Variants in SLC2A11 observed in about 807,000 individuals in gnomAD.
SLC2A11 encodes solute carrier family 2, facilitated glucose transporter member 11.
In SLC2A11, 43 loss-of-function variants were observed where a neutral mutation model predicts 52.1. The ratio of observed to expected loss-of-function variants is 0.82; its 90% CI spans 0.65 to 1.06. The LOEUF (loss-of-function observed/expected upper bound fraction) is 1.06. SLC2A11 is among the 50% of genes least tolerant of loss of function. The pLI, the probability that SLC2A11 is intolerant of heterozygous loss-of-function variation, is 0.00. For synonymous variants in SLC2A11, 261 were observed against 277.6 expected (o/e 0.94, Z 0.59); for missense variants, 582 against 654.2 (o/e 0.89, Z 1.20).
At chr22:23,874,336 G>C (rs1023771990) in intron 3 of SLC2A11, among the ~76,000 whole-genome samples, 37 of 152,178 alleles carry the variant, frequency 2.4e-4, no homozygotes, top group Non-Finnish European at 4.4e-4. Flanking sequence ...ACCGAGGCTG[G>C]AGTGCAGTGG....
rs2032989950 is a variant in SLC2A11 at position 23,886,177 on chromosome 22, C to T, written c.*1328C>T. On this transcript the variant is annotated 3_prime_UTR_variant, in exon 12 of 12. Transcript: ENST00000316185. ...TTGTTGCACGTATTAGGAGAGACTC[C>T]TTTGTATTGCTGAGTAGTATTCCCC... 6.6e-6 allele frequency: 1 copy of T among 152,172 alleles called. No individual in the cohort carries two copies. Among genetic ancestry groups the T allele is most frequent in the Non-Finnish European group, 1.5e-5 (1 of 68,042 alleles). 9.4% of individuals were successfully genotyped at this position (152,172 alleles called of 1,614,324 possible).
chr22:23,884,623 G>T lies in SLC2A11; in HGVS notation c.1300-26G>T. On this transcript the variant is annotated intron_variant, in intron 11 of 11. Transcript: ENST00000316185. The surrounding 1 kb of genome is among the most constrained non-coding windows in gnomAD (Gnocchi z 4.3). ...TTAGGGGTTGATGGAGACACACCAG[G>T]TCTTGGGGTCTTTTTTAATCCGCAG... 1 of 1,603,494 alleles carries T rather than the reference G, an allele frequency of 6.2e-7. No individual in the cohort carries two copies. Among genetic ancestry groups the T allele is most frequent in the Non-Finnish European group, 8.5e-7 (1 of 1,174,670 alleles).
chr22:23,864,739 C>T (rs1318564504), intron 2 of SLC2A11, among the ~76,000 whole-genome samples: 1 of 152,224 alleles, frequency 6.6e-6, no homozygotes, highest in Non-Finnish European at 1.5e-5. Flanking sequence ...TCACCAGCCC[C>T]TACGAAGGAG....
intron 4 of SLC2A11, among the ~76,000 whole-genome samples, chr22:23,875,554 G>A (rs745652884): frequency 6.6e-6 from 1 of 152,146 alleles, no homozygotes; most frequent in Non-Finnish European, 1.5e-5. Flanking sequence ...GGTAGCCAAC[G>A]TGTAAAGGGA....
chr22:23,882,279 G>C (rs1482007401), intron 6 of SLC2A11, 180 bp from the exon 7 acceptor site: 17 of 611,552 alleles, frequency 2.8e-5, no homozygotes, highest in Non-Finnish European at 3.4e-5. Context: ...GACACACACA[G>C]AGACAGAGAG....
At chr22:23,857,577 A>ACCCC (rs750630400), upstream of SLC2A11, 490 of 1,170,494 alleles carry the variant, frequency 4.2e-4, no homozygotes, top group Middle Eastern at 8.3e-4. Flanking sequence ...GTGACCCCAA[A>ACCCC]CCCCCCCCCC....
At chr22:23,868,390 A>C in intron 2 of SLC2A11, 91 bp from the exon 3 acceptor site, 1 of 1,488,792 alleles carries the variant, frequency 6.7e-7, no homozygotes, top group Non-Finnish European at 9.2e-7. Context: ...TGTTCTGCAG[A>C]GGCATGGAGC....
intron 3 of SLC2A11, chr22:23,871,296 T>A (rs1346071583): frequency 6.7e-6 from 1 of 148,984 alleles, no homozygotes; most frequent in Admixed American, 6.7e-5. Context: ...TAATCCCAGC[T>A]ACTCGGCAGG....
upstream of SLC2A11, chr22:23,857,064 G>T (rs1295441439): frequency 7.6e-6 from 8 of 1,050,652 alleles, no homozygotes; most frequent in East Asian, 2.5e-4. Context: ...GAACCAAAGT[G>T]TGTGTGTGTG....
intron 6 of SLC2A11, 152 bp from the exon 7 acceptor site, chr22:23,882,307 C>T: frequency 1.5e-6 from 1 of 667,478 alleles, no homozygotes; most frequent in Non-Finnish European, 2.5e-6. Context: ...GAGACAGAGG[C>T]AGAGAGAGAG....
At chr22:23,862,033 T>C (rs1238158525) in intron 1 of SLC2A11, 71 bp from the exon 2 acceptor site, 1 of 1,250,210 alleles carries the variant, frequency 8.0e-7, no homozygotes, top group South Asian at 1.2e-5. Context: ...AATGCTGTGA[T>C]TGGCAGCTCT....
chr22:23,866,225 A>C (rs181372156), intron 2 of SLC2A11: 3 of 152,230 alleles, frequency 2.0e-5, no homozygotes, highest in African/African-American at 7.2e-5. Flanking sequence ...TCTGAGGAGA[A>C]TCTTTGTCAA....
chr22:23,882,617 A>T lies in SLC2A11; in HGVS notation c.853A>T (p.Ser285Cys), dbSNP rs749906977. Residue 285 changes from serine (S) to cysteine (C), a missense_variant, in exon 7 of 12, where the codon AGT (serine) becomes TGT (cysteine). Ser to Cys is a moderately radical substitution (Grantham distance 112, BLOSUM62 -1). Coordinates refer to ENST00000316185, the MANE Select transcript of SLC2A11 (RefSeq NM_001024939.4). ...RQVTSLVVLG[S>C]AMELCGNDSV... ...GGTGACAAGCCTCGTGGTTCTGGGC[A>T]GTGCCATGGAGCTCTGCGGGAATGA... 11 of 1,613,148 alleles carry T rather than the reference A, an allele frequency of 6.8e-6. No homozygotes were observed. The South Asian group carries it at 1.2e-4, about 18-fold the overall frequency.
chr22:23,882,918 C>A (rs759286291), intron 8 of SLC2A11, 49 bp downstream of exon 8: 11 of 1,505,128 alleles, frequency 7.3e-6, no homozygotes, highest in Non-Finnish European at 1.0e-5. Context: ...GGGAGGGACC[C>A]CCAGGTCCTC....
chr22:23,869,487 CAAA>C (rs113496535), intron 3 of SLC2A11: 3 of 144,636 alleles, frequency 2.1e-5, no homozygotes, highest in Non-Finnish European at 3.0e-5. Flanking sequence ...GACTCCATCT[CAAA>C]AAAAAAAAAA....
At position 23,875,120 on chromosome 22, in the gene SLC2A11, G is replaced by A; in HGVS notation, c.294G>A (p.Lys98=). The A allele has an allele frequency of 6.3e-7, 1 of 1,579,114 alleles. No homozygotes were observed. ...TGTGTGTTTCACTTCCCCCAAGGAA[G>A]AAGTCCCTCCTGGTGAATAACATCT... The part of the protein sequence containing the change: ...AGPLAITLGR[K]KSLLVNNIFV... The change falls in exon 4 of 12, where the codon AAG becomes AAA. Residue 98 remains lysine, a synonymous_variant. Transcript: ENST00000316185.
Position 23,877,868 on chromosome 22 carries a change from A to C in SLC2A11, c.693A>C (p.Ala231=). The C allele has an allele frequency of 6.2e-7, 1 of 1,609,808 alleles. No homozygotes were observed. Among genetic ancestry groups the C allele is most frequent in the Non-Finnish European group, 8.5e-7 (1 of 1,177,776 alleles). Residue 231 remains alanine (A), a splice_region_variant and synonymous_variant, in exon 6 of 12, where the codon GCA becomes GCC. Transcript: ENST00000316185. ...GTGGAGACACCGAGGCCTGCCTGGCAGGTGAGTCTCTGTCCTTGGGCTCCC... is the reference window on the plus strand; with the variant it reads ...GTGGAGACACCGAGGCCTGCCTGGCCGGTGAGTCTCTGTCCTTGGGCTCCC... The part of the protein sequence containing the change: ...IDCGDTEACL[A]ALRRLRGSGD...
chr22:23,857,096 G>A, upstream of SLC2A11: 1 of 1,291,258 alleles, frequency 7.7e-7, no homozygotes, highest in East Asian at 2.7e-5. Context: ...GTGTAGGTGG[G>A]GCGTGCATAG....
chr22:23,885,086 C>G lies in SLC2A11; in HGVS notation c.*237C>G. ...CATAATTACAGGCTGGTTGTGGCAG[C>G]TCATGACTGTAATCCCAGCACTTTG... On this transcript the variant is annotated 3_prime_UTR_variant, in exon 12 of 12. Coordinates refer to ENST00000316185, the MANE Select transcript of SLC2A11 (RefSeq NM_001024939.4). 1.8e-6 allele frequency: 1 copy of G among 559,284 alleles called. No homozygotes were observed. The highest frequency in any genetic ancestry group is 3.0e-5 in the East Asian group (1 of 33,506). The allele number at this position is 559,284 out of a possible 1,614,324, so 34.6% of individuals were successfully genotyped here.
Sources: allele counts gnomAD v4.1 joint callset (sites outside exome capture counted in the v4.1 genomes callset), GRCh38; gene constraint gnomAD v4.1.1; non-coding constraint Gnocchi (gnomAD v3.1); transcripts MANE v1.5; gene names NCBI Gene and HGNC (gene_info 2026-07-23, HGNC 2026-07-21).